PLEC: variants seen among roughly 807,000 people sequenced by gnomAD.
The protein encoded by PLEC is hemidesmosomal protein 1.
Under a neutral mutation model 392.8 loss-of-function variants are expected in PLEC, and 216 were observed. That is an observed-to-expected ratio of 0.55 (90% CI 0.49 to 0.62). PLEC has a LOEUF of 0.62. Ranked by LOEUF, PLEC falls within the 20% of genes least tolerant of loss-of-function variation. The probability of loss-of-function intolerance (pLI) is 0.00; values close to 1 mark genes in which losing one functional copy is unlikely to be tolerated. For missense variants in PLEC, 6,863 were observed against 6,563.4 expected (o/e 1.05, Z -1.58); for synonymous variants, 3,621 against 2,980.6 (o/e 1.21, Z -7.00).
In PLEC at chr8:143,938,613, C is replaced by CCAG. The variant is rs782306159; in HGVS notation, c.174+15_174+17dup. On this transcript the variant is annotated intron_variant, in intron 2 of 31. Coordinates refer to ENST00000345136, the MANE Select transcript of PLEC (RefSeq NM_201384.3). The stretch of plus-strand genomic sequence containing the variant: ...ACAGCCTCAGCCCCTGTGACACGCA[C>CCAG]CAGCATGCGCCACCAACCTTGATGA... 1 of 1,613,190 alleles carries CCAG rather than the reference C, an allele frequency of 6.2e-7. No homozygotes were observed. Among genetic ancestry groups the CCAG allele is most frequent in the Non-Finnish European group, 8.5e-7 (1 of 1,179,370 alleles).
chr8:143,958,510 T>C (rs547292964), upstream of PLEC: 1 of 349,042 alleles, frequency 2.9e-6, no homozygotes, highest in African/African-American at 2.1e-5. This position sits in a 1 kb window ranked among gnomAD's most constrained non-coding sequence, Gnocchi z 4.9. Flanking sequence ...AAACCTGTCC[T>C]GTGCCCACTG....
At chr8:143,939,741 T>A, upstream of PLEC, 2 of 707,456 alleles carry the variant, frequency 2.8e-6, no homozygotes, top group Non-Finnish European at 3.5e-6. Flanking sequence ...AGACACGCCC[T>A]CGGCCCGCCA....
At chr8:143,930,839 G>A (rs896884447) in intron 19 of PLEC, among the ~76,000 whole-genome samples, 2 of 152,162 alleles carry the variant, frequency 1.3e-5, no homozygotes, top group Non-Finnish European at 2.9e-5. Flanking sequence ...CCTGCGGGCT[G>A]CAGAAGGTAC....
rs782682954 is a variant in PLEC, at chr8:143,917,389, C to A, written c.12432G>T (p.Val4144=). ...ACATCTCCTTGCCCGTCTCGGGGTCCACGATGACCACTCGGCGCTTGCGCA... is the reference window on the plus strand; with the variant it reads ...ACATCTCCTTGCCCGTCTCGGGGTCAACGATGACCACTCGGCGCTTGCGCA... ...SSVRKRRVVI[V]DPETGKEMSV... The change falls in exon 32 of 32, where the codon GTG becomes GTT. Residue 4144 remains valine (V), a synonymous_variant. Transcript: ENST00000345136. 6.8e-6 allele frequency: 11 copies of A among 1,611,908 alleles called. No individual in the cohort carries two copies. The highest frequency in any genetic ancestry group is 8.5e-6 in the Non-Finnish European group (10 of 1,180,026).
chr8:143,939,400 G>C lies in PLEC; in HGVS notation c.62C>G (p.Ser21Trp). Residue 21 changes from serine (S) to tryptophan (W), a missense_variant, in exon 1 of 32, where the codon TCG becomes TGG. Ser to Trp is a radical substitution (Grantham distance 177). Coordinates refer to ENST00000345136, the MANE Select transcript of PLEC (RefSeq NM_201384.3). Reference sequence around the variant, plus strand: ...CACAGCCAGGTACAGGTTGTCCTCCGAGCTGGTTCTCTTTCGGCCCAGGCC... The same window carrying C: ...CACAGCCAGGTACAGGTTGTCCTCCCAGCTGGTTCTCTTTCGGCCCAGGCC... ...PEGLGRKRTS[S>W]EDNLYLAVLR... The C allele has an allele frequency of 6.2e-7, 1 of 1,612,784 alleles. No individual in the cohort carries two copies. Among genetic ancestry groups the C allele is most frequent in the Non-Finnish European group, 8.5e-7 (1 of 1,179,800 alleles).
At chr8:143,943,678 G>C (rs1830913571), upstream of PLEC, 1 of 1,131,928 alleles carries the variant, frequency 8.8e-7, no homozygotes, top group Admixed American at 2.0e-5. Flanking sequence ...CTGACATTCA[G>C]CTTGGAAACA....
At chr8:143,954,056 C>A, upstream of PLEC, 1 of 632,348 alleles carries the variant, frequency 1.6e-6, no homozygotes, top group Non-Finnish European at 2.5e-6. The surrounding 1 kb of genome is among the most constrained non-coding windows in gnomAD (Gnocchi z 4.6). Context: ...TCCAGGAGCG[C>A]TCGGACGGCC....
intron 1 of PLEC, among the ~76,000 whole-genome samples, chr8:143,971,106 G>A (rs889085049): frequency 2.6e-5 from 4 of 152,224 alleles, no homozygotes; most frequent in Non-Finnish European, 5.9e-5. Context: ...TTCCAGGGGA[G>A]AGCCAGGGAA....
At chr8:143,940,451 G>T (rs1188641742), upstream of PLEC, among the ~76,000 whole-genome samples, 1 of 152,216 alleles carries the variant, frequency 6.6e-6, no homozygotes, top group South Asian at 2.1e-4. Context: ...CCCCAGGGGT[G>T]GGGGGTGCTG....
Position 143,919,353 on chromosome 8 carries a change from G to T in PLEC, c.10468C>A (p.Gln3490Lys). 1 of 1,613,890 alleles carries T rather than the reference G, an allele frequency of 6.2e-7. No homozygotes were observed. Residue 3490 changes from glutamine (Q) to lysine (K), a missense_variant, in exon 32 of 32, where the codon CAG becomes AAG. Transcript: ENST00000345136. Reference protein sequence around the residue: ...SHRVPVDVAYQRGYFSEEMNR... With the variant: ...SHRVPVDVAYKRGYFSEEMNR... ...ATCTCCTCACTGAAGTAGCCGCGCT[G>T]GTAGGCCACGTCCACAGGCACGCGG...
At chr8:143,955,748 C>T (rs577948482), upstream of PLEC, among the ~76,000 whole-genome samples, 3 of 151,652 alleles carry the variant, frequency 2.0e-5, no homozygotes, top group Non-Finnish European at 4.4e-5. Flanking sequence ...TACAGGCGTG[C>T]ACCACCACTC....
upstream of PLEC, chr8:143,942,278 C>T (rs1165582744): frequency 9.9e-6 from 13 of 1,307,714 alleles, no homozygotes; most frequent in Non-Finnish European, 1.4e-5. Flanking sequence ...CTGCACCGGG[C>T]CAAGGCGCCA....
At chr8:143,935,744 G>A in intron 6 of PLEC, 104 bp downstream of exon 6, 1 of 1,305,868 alleles carries the variant, frequency 7.7e-7, no homozygotes, top group Non-Finnish European at 1.1e-6. Context: ...ACTCATCCCT[G>A]TTCCTCCTGC....
upstream of PLEC, among the ~76,000 whole-genome samples, chr8:143,976,187 G>A (rs1308064521): frequency 6.6e-6 from 1 of 152,162 alleles, no homozygotes; most frequent in Non-Finnish European, 1.5e-5. Flanking sequence ...GGCCCACAGT[G>A]GGGGCGCGTA....
rs1554718208 is a variant in PLEC, at chr8:143,932,818, T to G, written c.1712A>C (p.Lys571Thr). The change falls in exon 14 of 32, where the codon AAG becomes ACG. Residue 571 changes from lysine to threonine, a missense_variant. Transcript: ENST00000345136. ...CTCGTCACTCCGTGCCCGCTCGATC[T>G]TGGCCCGGAATTCTTCGATGGACTG... ...LHQSIEEFRA[K>T]IERARSDEGQ... 5 of 1,612,484 alleles carry G rather than the reference T, an allele frequency of 3.1e-6. No individual in the cohort carries two copies. Among genetic ancestry groups the G allele is most frequent in the Non-Finnish European group, 4.2e-6 (5 of 1,179,868 alleles).
At position 143,930,315 on chromosome 8, in the gene PLEC, C is replaced by T. The variant is rs369695063; in HGVS notation, c.2458-17G>A. Reference sequence around the variant, plus strand: ...CACAGTCACCTGGGACGGGCAGAGTCGGTGAGGACATGGCCACACCCTGCC... The same window carrying T: ...CACAGTCACCTGGGACGGGCAGAGTTGGTGAGGACATGGCCACACCCTGCC... On this transcript the variant is annotated splice_polypyrimidine_tract_variant and intron_variant, in intron 20 of 31. Coordinates refer to ENST00000345136, the MANE Select transcript of PLEC (RefSeq NM_201384.3). The T allele has an allele frequency of 6.9e-6, 11 of 1,597,944 alleles. No individual in the cohort carries two copies. The Admixed American group carries it at 8.5e-5, about 12-fold the overall frequency.
Position 143,917,610 on chromosome 8 carries a change from G to A in PLEC, c.12211C>T (p.Leu4071Phe), listed in dbSNP as rs1453717440. Reference protein sequence around the residue: ...LPVEVAYKRGLFDEEMNEILT... With the variant: ...LPVEVAYKRGFFDEEMNEILT... ...ATCTCGTTCATCTCCTCATCGAAGAGGCCGCGCTTGTAGGCCACCTCCACG... is the reference window on the plus strand; with the variant it reads ...ATCTCGTTCATCTCCTCATCGAAGAAGCCGCGCTTGTAGGCCACCTCCACG... Residue 4071 changes from leucine (L) to phenylalanine (F), a missense_variant, in exon 32 of 32, where the codon CTC (leucine) becomes TTC (phenylalanine). Physicochemically the swap from Leu to Phe is conservative, Grantham distance 22. Transcript: ENST00000345136. The A allele has an allele frequency of 1.2e-5, 19 of 1,613,654 alleles. No homozygotes were observed. The highest frequency in any genetic ancestry group is 1.4e-5 in the Non-Finnish European group (17 of 1,180,028).
rs201140992 is a variant in PLEC at position 143,916,766 on chromosome 8, G to A, written c.13055C>T (p.Ala4352Val). The A allele has an allele frequency of 6.2e-7, 1 of 1,613,312 alleles. No homozygotes were observed. The highest frequency in any genetic ancestry group is 1.3e-5 in the African/African-American group (1 of 75,048). Reference protein sequence around the residue: ...DKIMVDRINLAQKAFCGFEDP... With the variant: ...DKIMVDRINLVQKAFCGFEDP... ...CTCGAAGCCGCAGAAGGCCTTCTGG[G>A]CCAGGTTGATGCGGTCCACCATGAT... The change falls in exon 32 of 32, where the codon GCC (alanine) becomes GTC (valine). Residue 4352 changes from alanine to valine, a missense_variant. Ala to Val is a moderately conservative substitution (Grantham distance 64). Coordinates refer to ENST00000345136, the MANE Select transcript of PLEC (RefSeq NM_201384.3).
rs782652853 is a variant in PLEC, at chr8:143,932,595, G to A, written c.1816-34C>T. On this transcript the variant is annotated intron_variant, in intron 15 of 31. Coordinates refer to ENST00000345136, the MANE Select transcript of PLEC (RefSeq NM_201384.3). ...AGGAGGGTGCGTGTCAGCAGGCCGC[G>A]GGCTACCCACCTCCCCCGGCTGGCC... 2.7e-5 allele frequency: 43 copies of A among 1,612,074 alleles called. No homozygotes were observed. The Middle Eastern group carries it at 4.9e-4, about 18-fold the overall frequency.
Sources: allele counts gnomAD v4.1 joint callset (sites outside exome capture counted in the v4.1 genomes callset), GRCh38; gene constraint gnomAD v4.1.1; non-coding constraint Gnocchi (gnomAD v3.1); transcripts MANE v1.5; gene names NCBI Gene and HGNC (gene_info 2026-07-23, HGNC 2026-07-21).